RAG1: variants seen among roughly 807,000 people sequenced by gnomAD.
The protein encoded by RAG1 is V(D)J recombination-activating protein 1.
In RAG1, 35 loss-of-function variants were observed where a neutral mutation model predicts 62.7. The observed-to-expected ratio is 0.56, with a 90% CI of 0.43 to 0.74. The LOEUF is 0.74. Ranked by LOEUF, RAG1 falls within the 30% of genes least tolerant of loss-of-function variation. RAG1 has a pLI of 0.00. For missense variants in RAG1, 1,169 were observed against 1,278.6 expected (o/e 0.91, Z 1.31); for synonymous variants, 461 against 470.3 (o/e 0.98, Z 0.26).
At chr11:36,563,161 C>T (rs867655208), upstream of RAG1, among the ~76,000 whole-genome samples, 2 of 152,106 alleles carry the variant, frequency 1.3e-5, no homozygotes, top group Non-Finnish European at 2.9e-5. Flanking sequence ...CTTGACTGGG[C>T]GAAGGGATAC....
chr11:36,512,389 A>C (rs1014637896), intron 1 of RAG1, among the ~76,000 whole-genome samples: 1 of 152,230 alleles, frequency 6.6e-6, no homozygotes, highest in Admixed American at 6.5e-5. Context: ...AGCAGGAAAC[A>C]AACGCCTGTT....
chr11:36,548,378 G>C (rs1458456284), intron 3 of RAG1, among the ~76,000 whole-genome samples: 1 of 150,488 alleles, frequency 6.6e-6, no homozygotes, highest in Non-Finnish European at 1.5e-5. Flanking sequence ...AGAAAACTCC[G>C]TCTCAGCCCA....
At chr11:36,564,738 G>A (rs980918237), upstream of RAG1, among the ~76,000 whole-genome samples, 1 of 152,186 alleles carries the variant, frequency 6.6e-6, no homozygotes, top group African/African-American at 2.4e-5. Context: ...GAGAAAGTGG[G>A]GGAGAAATGA....
chr11:36,542,585 A>G (rs1348224871), intron 3 of RAG1, among the ~76,000 whole-genome samples: 2 of 152,182 alleles, frequency 1.3e-5, no homozygotes, highest in East Asian at 3.9e-4. Context: ...TGCCTGCTGT[A>G]CAGAAAAGGT....
intron 3 of RAG1, among the ~76,000 whole-genome samples, chr11:36,560,692 G>A (rs1217273296): frequency 6.6e-6 from 1 of 152,120 alleles, no homozygotes; most frequent in Non-Finnish European, 1.5e-5. Flanking sequence ...TGAGGACCGT[G>A]GGGACTGTGG....
At chr11:36,522,568 G>T (rs1252271358) in intron 2 of RAG1, among the ~76,000 whole-genome samples, 1 of 152,230 alleles carries the variant, frequency 6.6e-6, no homozygotes, top group African/African-American at 2.4e-5. Context: ...GCAATGTAGG[G>T]TCAGAGCCCC....
At chr11:36,562,106 C>A (rs1236641264) in intron 3 of RAG1, among the ~76,000 whole-genome samples, 1 of 151,976 alleles carries the variant, frequency 6.6e-6, no homozygotes, top group Non-Finnish European at 1.5e-5. Flanking sequence ...ACCATAGGAA[C>A]CATAGGAGGG....
intron 1 of RAG1, among the ~76,000 whole-genome samples, chr11:36,571,687 C>T (rs1850747731): frequency 1.3e-5 from 2 of 152,132 alleles, no homozygotes; most frequent in Non-Finnish European, 2.9e-5. Flanking sequence ...TGATCTTGGC[C>T]CACTGCAATC....
intron 2 of RAG1, among the ~76,000 whole-genome samples, chr11:36,521,692 A>G (rs1860082629): frequency 6.6e-6 from 1 of 152,176 alleles, no homozygotes; most frequent in African/African-American, 2.4e-5. Context: ...GAGGGCTCAG[A>G]AGAAGACAGG....
chr11:36,574,672 C>T lies in RAG1; in HGVS notation c.1368C>T (p.Ala456=). ...ACAGGCAAGCTGATGAGCTGGAGGC[C>T]ATCATGCAGGGAAAGGGCTCTGGCC... ...NEHRQADELE[A]IMQGKGSGLQ... Residue 456 remains alanine (A), a synonymous_variant, in exon 2 of 2, where the codon GCC becomes GCT. Coordinates refer to ENST00000299440, the MANE Select transcript of RAG1 (RefSeq NM_000448.3). The T allele has an allele frequency of 1.2e-6, 2 of 1,614,180 alleles. No homozygotes were observed. The highest frequency in any genetic ancestry group is 1.7e-6 in the Non-Finnish European group (2 of 1,180,040).
rs1463617024 is a variant in RAG1 at position 36,579,075 on chromosome 11, G to A, written c.*2639G>A. 6.0e-6 allele frequency: 1 copy of A among 167,114 alleles called. No homozygotes were observed. Among genetic ancestry groups the A allele is most frequent in the Non-Finnish European group, 1.5e-5 (1 of 68,126 alleles). The allele number at this position is 167,114 out of a possible 1,614,324, so 10.4% of individuals were successfully genotyped here. A position where few individuals can be genotyped will look rare whatever the true frequency, so the allele number is the denominator to read the frequency against. ...TTAATAAACATGCACTGAGAAGCAAGAGGAGGAGAAAAAGATGTCTTTTTC... is the reference window on the plus strand; with the variant it reads ...TTAATAAACATGCACTGAGAAGCAAAAGGAGGAGAAAAAGATGTCTTTTTC... On this transcript the variant is annotated 3_prime_UTR_variant, in exon 2 of 2. Transcript: ENST00000299440.
Position 36,575,227 on chromosome 11 carries a change from G to T in RAG1, c.1923G>T (p.Val641=), listed in dbSNP as rs779454917. The T allele has an allele frequency of 1.2e-6, 2 of 1,614,186 alleles. No homozygotes were observed. The highest frequency in any genetic ancestry group is 2.2e-5 in the South Asian group (2 of 91,080). ...KITIAHSSQN[V]KVFEEAKPNS... is the part of the protein sequence containing the mutation. Reference sequence around the variant, plus strand: ...CTATTGCCCACAGCTCTCAGAATGTGAAAGTATTTGAAGAAGCCAAACCTA... The same window carrying T: ...CTATTGCCCACAGCTCTCAGAATGTTAAAGTATTTGAAGAAGCCAAACCTA... Residue 641 remains valine (V), a synonymous_variant, in exon 2 of 2, where the codon GTG becomes GTT. Transcript: ENST00000299440. This position sits in a 1 kb window ranked among gnomAD's most constrained non-coding sequence, Gnocchi z 4.1.
intron 1 of RAG1, among the ~76,000 whole-genome samples, chr11:36,518,606 T>G (rs1454757815): frequency 6.6e-6 from 1 of 152,246 alleles, no homozygotes; most frequent in Non-Finnish European, 1.5e-5. Context: ...GATGAGCATT[T>G]TTTCATGTGT....
Position 36,578,141 on chromosome 11 carries a change from A to G in RAG1, c.*1705A>G, listed in dbSNP as rs886048264. ...TTTGATTTTATTGGCCATAATTGCT[A>G]CTCTTCATACACAGTATATCAAAGA... On this transcript the variant is annotated 3_prime_UTR_variant, in exon 2 of 2. Transcript: ENST00000299440. 4.8e-5 allele frequency: 8 copies of G among 167,014 alleles called. No individual in the cohort carries two copies. In the East Asian group the frequency reaches 1.3e-3, roughly 28 times the overall value. 10.3% of individuals were successfully genotyped at this position (167,014 alleles called of 1,614,324 possible). A position where few individuals can be genotyped will look rare whatever the true frequency, so the allele number is the denominator to read the frequency against.
chr11:36,522,182 G>C (rs1461011480), intron 2 of RAG1, among the ~76,000 whole-genome samples: 1 of 152,220 alleles, frequency 6.6e-6, no homozygotes, highest in Admixed American at 6.5e-5. Flanking sequence ...TCCAGGGTAT[G>C]TCAGAGGCCT....
At chr11:36,524,438 T>G (rs1411563959) in intron 2 of RAG1, among the ~76,000 whole-genome samples, 3 of 151,674 alleles carry the variant, frequency 2.0e-5, no homozygotes, top group Admixed American at 6.6e-5. Context: ...GATTTAGCTT[T>G]ATTTTAGACA....
At chr11:36,573,058 A>C (rs1850772636) in intron 1 of RAG1, among the ~76,000 whole-genome samples, 1 of 152,184 alleles carries the variant, frequency 6.6e-6, no homozygotes, top group Non-Finnish European at 1.5e-5. Flanking sequence ...CTTTACATGT[A>C]TATATTTAAG....
At chr11:36,531,927 A>G (rs1411748783) in intron 2 of RAG1, among the ~76,000 whole-genome samples, 2 of 151,860 alleles carry the variant, frequency 1.3e-5, no homozygotes, top group African/African-American at 4.8e-5. Context: ...TCCATTTAGC[A>G]TGATGTTGCG....
At position 36,574,372 on chromosome 11, in the gene RAG1, G is replaced by T. The variant is rs375609144; in HGVS notation, c.1068G>T (p.Val356=). 6.2e-7 allele frequency: 1 copy of T among 1,614,074 alleles called. No homozygotes were observed. The highest frequency in any genetic ancestry group is 1.7e-5 in the Admixed American group (1 of 60,010). Residue 356 remains valine, a synonymous_variant, in exon 2 of 2, where the codon GTG becomes GTT. Coordinates refer to ENST00000299440, the MANE Select transcript of RAG1 (RefSeq NM_000448.3). The part of the protein sequence containing the change: ...SFLSVLNSLM[V]KCPAKECNEE... The stretch of plus-strand genomic sequence containing the variant: ...TGAGCGTCTTGAATTCCCTGATGGT[G>T]AAATGTCCAGCAAAAGAGTGCAATG...
Sources: gnomAD v4.1 joint callset for allele counts (sites outside exome capture counted in the v4.1 genomes callset) on GRCh38, gnomAD v4.1.1 for gene constraint, Gnocchi (gnomAD v3.1) non-coding constraint, MANE v1.5 for transcripts, NCBI Gene and HGNC (gene_info 2026-07-23, HGNC 2026-07-21) for gene names.